The following ADARB2 variants were observed in gnomAD, a reference collection of about 807,000 sequenced individuals.
ADARB2 encodes adenosine deaminase RNA specific B2 (inactive), also known as inactive double-stranded RNA-specific editase B2.
Under a neutral mutation model 62.2 loss-of-function variants are expected in ADARB2, and 25 were observed. The ratio of observed to expected loss-of-function variants is 0.40; its 90% confidence interval spans 0.29 to 0.56. ADARB2 has a LOEUF of 0.56. Ranked by LOEUF, ADARB2 falls within the 20% of genes least tolerant of loss-of-function variation. The pLI is 0.43. For synonymous variants in ADARB2, 572 were observed against 500.8 expected, an observed-to-expected ratio of 1.14 and a Z score of -1.90; for missense variants, 1,071 against 1,077.4, an observed-to-expected ratio of 0.99 and a Z score of 0.08.
chr10:1,428,669 T>C (rs1224469201), intron 1 of ADARB2, among the ~76,000 whole-genome samples: 3 of 151,632 alleles, frequency 2.0e-5, no homozygotes, highest in Admixed American at 6.6e-5. Context: ...GGGTTAGAGA[T>C]TGGGGGCTGG....
At chr10:1,700,621 A>G (rs368939458) in intron 1 of ADARB2, among the ~76,000 whole-genome samples, 63 of 3,890 alleles carry the variant, frequency 0.016, 3 homozygotes, top group Non-Finnish European at 0.023. Flanking sequence ...GGGAGACCAG[A>G]CGCTAGTCAA....
At chr10:1,394,799 G>T (rs199989009) in intron 1 of ADARB2, 42 of 456,322 alleles carry the variant, frequency 9.2e-5, no homozygotes, top group Non-Finnish European at 9.7e-5. Context: ...AGCGTCTAAG[G>T]GGAGGAGCTG....
rs968818632 is a variant in ADARB2, at chr10:1,255,141, C to G, written c.1193-12842G>C. Among the ~76,000 whole-genome samples, 1 of 152,264 alleles carries G rather than the reference C, an allele frequency of 6.6e-6. No homozygotes were observed. The highest frequency in any genetic ancestry group is 2.4e-5 in the African/African-American group (1 of 41,462). On this transcript the variant is annotated intron_variant, in intron 4 of 9. Coordinates refer to ENST00000381312, the MANE Select transcript of ADARB2 (RefSeq NM_018702.4). The surrounding 1 kb of genome is among the most constrained non-coding windows in gnomAD (Gnocchi z 4.7). ...TGAGGGAGCAAGCGGGGCCAATGCT[C>G]TGAGCTCCTCATGGGGCCAAAACAT...
At chr10:1,657,003 G>T (rs571604017) in intron 1 of ADARB2, among the ~76,000 whole-genome samples, 135 of 150,040 alleles carry the variant, frequency 9.0e-4, no homozygotes, top group African/African-American at 2.9e-3. Flanking sequence ...CTAGTGTTTT[G>T]TGTGTGTGTG....
chr10:1,505,238 T>C (rs2813437), intron 1 of ADARB2, among the ~76,000 whole-genome samples: 45,536 of 151,916 alleles, frequency 0.3, 7,026 homozygotes, highest in Middle Eastern at 0.38. Context: ...CACACACCAA[T>C]GACAAATCAG....
At chr10:1,648,916 T>C (rs1834077335) in intron 1 of ADARB2, among the ~76,000 whole-genome samples, 2 of 152,172 alleles carry the variant, frequency 1.3e-5, no homozygotes, top group Non-Finnish European at 2.9e-5. Flanking sequence ...CAACAACTGG[T>C]GCAATGTCAG....
At chr10:1,674,781 T>G (rs1206095715) in intron 1 of ADARB2, among the ~76,000 whole-genome samples, 2 of 152,110 alleles carry the variant, frequency 1.3e-5, no homozygotes, top group Non-Finnish European at 2.9e-5. Flanking sequence ...ATAAAAAAAC[T>G]GGGGAAAGTT....
At chr10:1,350,951 G>A (rs1233720237) in intron 3 of ADARB2, among the ~76,000 whole-genome samples, 3 of 152,134 alleles carry the variant, frequency 2.0e-5, no homozygotes, top group African/African-American at 4.8e-5. Flanking sequence ...TCTCCAGCAC[G>A]CAAGAACTGG....
At chr10:1,333,432 G>C (rs1342149627) in intron 3 of ADARB2, among the ~76,000 whole-genome samples, 1 of 152,162 alleles carries the variant, frequency 6.6e-6, no homozygotes, top group East Asian at 1.9e-4. Flanking sequence ...TTCAGATCCT[G>C]AGTTGGGCTC....
At chr10:1,443,238 C>G (rs1331743466) in intron 1 of ADARB2, among the ~76,000 whole-genome samples, 1 of 152,086 alleles carries the variant, frequency 6.6e-6, no homozygotes, top group Non-Finnish European at 1.5e-5. Flanking sequence ...CTCATTTTTC[C>G]TTAGGAGAGC....
intron 1 of ADARB2, among the ~76,000 whole-genome samples, chr10:1,732,576 A>G (rs1317358731): frequency 6.6e-6 from 1 of 152,254 alleles, no homozygotes; most frequent in Non-Finnish European, 1.5e-5. Flanking sequence ...CCACACAATT[A>G]GGTGCTGGTT....
intron 1 of ADARB2, among the ~76,000 whole-genome samples, chr10:1,634,804 A>T (rs1477557952): frequency 6.6e-6 from 1 of 152,242 alleles, no homozygotes; most frequent in African/African-American, 2.4e-5. Context: ...AAAGCAATAT[A>T]AAAGTGCAAA....
intron 1 of ADARB2, among the ~76,000 whole-genome samples, chr10:1,619,977 A>G (rs1315617549): frequency 6.6e-6 from 1 of 152,156 alleles, no homozygotes; most frequent in African/African-American, 2.4e-5. Flanking sequence ...AAAAACAAGA[A>G]AAATAAGAAA....
chr10:1,441,594 A>T (rs1588259392), intron 1 of ADARB2, among the ~76,000 whole-genome samples: 1 of 152,246 alleles, frequency 6.6e-6, no homozygotes, highest in East Asian at 1.9e-4. Context: ...CTCTTCACTT[A>T]CACAAAATCA....
chr10:1,454,671 G>A (rs919885903), intron 1 of ADARB2, among the ~76,000 whole-genome samples: 1 of 152,076 alleles, frequency 6.6e-6, no homozygotes, highest in Admixed American at 6.5e-5. Context: ...GCTGGGGCCG[G>A]GGAGGGTAAC....
intron 1 of ADARB2, among the ~76,000 whole-genome samples, chr10:1,570,227 TA>T: frequency 6.6e-6 from 1 of 152,368 alleles, no homozygotes; most frequent in Admixed American, 6.5e-5. Flanking sequence ...TGCCACTATT[TA>T]AAAATGTTTG....
At chr10:1,217,643 G>C (rs765240809) in intron 6 of ADARB2, among the ~76,000 whole-genome samples, 2 of 152,302 alleles carry the variant, frequency 1.3e-5, no homozygotes, top group African/African-American at 4.8e-5. Flanking sequence ...TGTCAGTCCC[G>C]GCTCCATGGT....
intron 1 of ADARB2, among the ~76,000 whole-genome samples, chr10:1,673,673 C>T (rs10219144): frequency 0.15 from 22,244 of 152,152 alleles, 1,777 homozygotes; most frequent in Middle Eastern, 0.27. Context: ...ATAACGATGA[C>T]GAAGGAAAGG....
At chr10:1,445,022 A>C (rs1588260488) in intron 1 of ADARB2, among the ~76,000 whole-genome samples, 1 of 145,918 alleles carries the variant, frequency 6.9e-6, no homozygotes. Flanking sequence ...CCATCCACTC[A>C]CCCATCCATT....
Sources: gnomAD v4.1 joint callset for allele counts (sites outside exome capture counted in the v4.1 genomes callset) on GRCh38, gnomAD v4.1.1 for gene constraint, Gnocchi (gnomAD v3.1) non-coding constraint, MANE v1.5 for transcripts, NCBI Gene and HGNC (gene_info 2026-07-23, HGNC 2026-07-21) for gene names.